Variants in KIAA0586 observed in about 807,000 individuals in gnomAD.
KIAA0586 encodes KIAA0586.
In KIAA0586, 144 loss-of-function variants were observed where a neutral mutation model predicts 169.8. The observed-to-expected ratio is 0.85, with a 90% CI of 0.74 to 0.97. The LOEUF (loss-of-function observed/expected upper bound fraction) is 0.97, where lower values mean the gene tolerates loss of function less well. Among genes scored for constraint, KIAA0586 ranks in the 50% least tolerant of loss-of-function variants. The pLI is 0.00. For missense variants in KIAA0586, 1,854 were observed against 1,823.0 expected, an observed-to-expected ratio of 1.02 and a Z score of -0.31; for synonymous variants, 625 against 612.4, an observed-to-expected ratio of 1.02 and a Z score of -0.30.
intron 27 of KIAA0586, among the ~76,000 whole-genome samples, chr14:58,503,725 T>G (rs964272102): frequency 6.6e-6 from 1 of 150,934 alleles, no homozygotes; most frequent in African/African-American, 2.4e-5. Flanking sequence ...TTGAAGTGAC[T>G]CCTCAAAGAT....
At chr14:58,467,630 G>A in intron 15 of KIAA0586, 105 bp from the exon 16 acceptor site, 1 of 802,414 alleles carries the variant, frequency 1.2e-6, no homozygotes, top group South Asian at 2.0e-5. Flanking sequence ...GTCAGATAGG[G>A]CTTTTTTAAA....
intron 12 of KIAA0586, among the ~76,000 whole-genome samples, chr14:58,459,321 A>C (rs1748979): frequency 0.98 from 149,410 of 151,822 alleles, 73,560 homozygotes; most frequent in East Asian, 1. Flanking sequence ...TACACACACA[A>C]AAAAAAATTG....
rs781575572 is a variant in KIAA0586, at chr14:58,427,775, A to G, written c.-490A>G. 1.2e-4 allele frequency: 183 copies of G among 1,525,046 alleles called. No individual in the cohort carries two copies. The highest frequency in any genetic ancestry group is 1.5e-4 in the Non-Finnish European group (176 of 1,141,864). 94.5% of individuals were successfully genotyped at this position (1,525,046 alleles called of 1,614,324 possible). On this transcript the variant is annotated 5_prime_UTR_variant, in exon 1 of 31. Transcript: ENST00000652326. ...GGTCTCGGGCGTTCTGGAGATACGT[A>G]GGGGTGAATTTATGTTTCCGACGAT...
intron 26 of KIAA0586, among the ~76,000 whole-genome samples, chr14:58,494,519 A>C (rs1343288367): frequency 6.6e-6 from 1 of 151,878 alleles, no homozygotes; most frequent in Non-Finnish European, 1.5e-5. Context: ...CTGTCTGAGA[A>C]TTTGGGTAAG....
In KIAA0586 at chr14:58,498,780, A is replaced by T. The variant is rs762534910; in HGVS notation, c.3991-3A>T. On this transcript the variant is annotated splice_region_variant and splice_polypyrimidine_tract_variant and intron_variant, in intron 26 of 30. Transcript: ENST00000652326. ...TTTTAACAATTGTTTCTGCTTTTTA[A>T]AGGACTTGGAAAACAGTGTGGGTGA... The T allele has an allele frequency of 6.3e-7, 1 of 1,581,266 alleles. No individual in the cohort carries two copies. The highest frequency in any genetic ancestry group is 8.6e-7 in the Non-Finnish European group (1 of 1,168,242).
intron 28 of KIAA0586, among the ~76,000 whole-genome samples, chr14:58,511,270 G>A (rs2044363274): frequency 6.6e-6 from 1 of 152,160 alleles, no homozygotes; most frequent in Non-Finnish European, 1.5e-5. Context: ...TCTTTAGCTA[G>A]CAGGGACTTA....
intron 29 of KIAA0586, among the ~76,000 whole-genome samples, chr14:58,536,660 T>C (rs916159423): frequency 1.3e-5 from 2 of 152,190 alleles, no homozygotes; most frequent in African/African-American, 4.8e-5. Context: ...AAAGGCACAG[T>C]GTGTACAAGT....
At chr14:58,430,277 T>C (rs1369913219) in intron 2 of KIAA0586, among the ~76,000 whole-genome samples, 1 of 152,184 alleles carries the variant, frequency 6.6e-6, no homozygotes, top group East Asian at 1.9e-4. Context: ...CGTGATGTTG[T>C]GCCATCCTTA....
chr14:58,532,849 CTG>C (rs1342941142), intron 29 of KIAA0586, among the ~76,000 whole-genome samples: 1 of 152,186 alleles, frequency 6.6e-6, no homozygotes, highest in East Asian at 1.9e-4. Flanking sequence ...TATTTGCTCT[CTG>C]TTAAAATGGT....
rs745535237 is a variant in KIAA0586, at chr14:58,467,857, A to G, written c.2377A>G (p.Lys793Glu). The change falls in exon 16 of 31, where the codon AAA (lysine) becomes GAA (glutamate). Residue 793 changes from lysine (K) to glutamate (E), a missense_variant. Coordinates refer to ENST00000652326, the MANE Select transcript of KIAA0586 (RefSeq NM_001329943.3). ...SSRKVETGVK[K>E]PNIAIVEMKS... ...TCGAAAAGTAGAAACTGGAGTAAAGAAACCTAACATAGCCATTGTAGAAAT... is the reference window on the plus strand; with the variant it reads ...TCGAAAAGTAGAAACTGGAGTAAAGGAACCTAACATAGCCATTGTAGAAAT... 6.2e-7 allele frequency: 1 copy of G among 1,613,892 alleles called. No homozygotes were observed. Among genetic ancestry groups the G allele is most frequent in the South Asian group, 1.1e-5 (1 of 91,076 alleles).
In KIAA0586 at chr14:58,428,093, T is replaced by TATAA. The variant is rs2036993991; in HGVS notation, c.-171_-170insTAAA. On this transcript the variant is annotated 5_prime_UTR_variant, in exon 1 of 31. It introduces an in-frame stop codon into an upstream open reading frame of the 5' UTR. Coordinates refer to ENST00000652326, the MANE Select transcript of KIAA0586 (RefSeq NM_001329943.3). ...GGATTAATGGGTAAATATGACTTTA[T>TATAA]AGTCAGCTCTAATCCTGGATTCAAT... 6.9e-7 allele frequency: 1 copy of TATAA among 1,453,678 alleles called. No homozygotes were observed. The highest frequency in any genetic ancestry group is 1.4e-5 in the African/African-American group (1 of 69,812). 90.0% of individuals were successfully genotyped at this position (1,453,678 alleles called of 1,614,324 possible).
intron 27 of KIAA0586, among the ~76,000 whole-genome samples, chr14:58,503,657 C>T (rs932214082): frequency 1.3e-5 from 2 of 151,918 alleles, no homozygotes; most frequent in African/African-American, 4.8e-5. Flanking sequence ...GATGGAGGTA[C>T]AGGTCAATTG....
chr14:58,547,889 C>T lies in KIAA0586; in HGVS notation c.4604C>T (p.Thr1535Ile), dbSNP rs774438382. ...TGCTCTCAGTCTCTGAGTCTCAGCACAATGCAGGAGGACATGGAGTCTTCG... is the reference window on the plus strand; with the variant it reads ...TGCTCTCAGTCTCTGAGTCTCAGCATAATGCAGGAGGACATGGAGTCTTCG... Reference protein sequence around the residue: ...EDCSQSLSLSTMQEDMESSGA... With the variant: ...EDCSQSLSLSIMQEDMESSGA... Residue 1535 changes from threonine (T) to isoleucine (I), a missense_variant, in exon 31 of 31, where the codon ACA (threonine) becomes ATA (isoleucine). By Grantham distance (89) the Thr-to-Ile change is moderately conservative. Coordinates refer to ENST00000652326, the MANE Select transcript of KIAA0586 (RefSeq NM_001329943.3). 1 of 1,613,710 alleles carries T rather than the reference C, an allele frequency of 6.2e-7. No individual in the cohort carries two copies. The highest frequency in any genetic ancestry group is 8.5e-7 in the Non-Finnish European group (1 of 1,179,752).
chr14:58,540,678 A>G (rs367560696), intron 30 of KIAA0586, among the ~76,000 whole-genome samples: 1 of 152,232 alleles, frequency 6.6e-6, no homozygotes, highest in Admixed American at 6.5e-5. Context: ...TTGAAAAATA[A>G]AAAAAGTAAT....
At position 58,477,237 on chromosome 14, in the gene KIAA0586, C is replaced by T; in HGVS notation, c.2940C>T (p.Asp980=). ...VSETSEPLTS[D]IVEGTSSGAL... ...AGACAAGTGAACCACTGACTTCTGACATTGGTAAGTGAAATAGAATTTTTT... is the reference window on the plus strand; with the variant it reads ...AGACAAGTGAACCACTGACTTCTGATATTGGTAAGTGAAATAGAATTTTTT... The change falls in exon 20 of 31, where the codon GAC becomes GAT. Residue 980 remains aspartate (D), a synonymous_variant. Coordinates refer to ENST00000652326, the MANE Select transcript of KIAA0586 (RefSeq NM_001329943.3). The T allele has an allele frequency of 1.3e-6, 2 of 1,490,684 alleles. No individual in the cohort carries two copies. Among genetic ancestry groups the T allele is most frequent in the Non-Finnish European group, 1.8e-6 (2 of 1,087,830 alleles). 92.3% of individuals were successfully genotyped at this position (1,490,684 alleles called of 1,614,324 possible). A position where few individuals can be genotyped will look rare whatever the true frequency, so the allele number is the denominator to read the frequency against.
chr14:58,427,902 A>T lies in KIAA0586; in HGVS notation c.-363A>T. The T allele has an allele frequency of 7.3e-7, 1 of 1,361,378 alleles. No homozygotes were observed. The highest frequency in any genetic ancestry group is 2.9e-5 in the Admixed American group (1 of 33,946). 84.3% of individuals were successfully genotyped at this position (1,361,378 alleles called of 1,614,324 possible). A position where few individuals can be genotyped will look rare whatever the true frequency, so the allele number is the denominator to read the frequency against. ...ATAGCATTTCGCTTTTATTTGCTTG[A>T]CTGCCTCTTCTCAACAAATTTTAAG... On this transcript the variant is annotated 5_prime_UTR_variant, in exon 1 of 31. Transcript: ENST00000652326.
chr14:58,450,662 G>C lies in KIAA0586; in HGVS notation c.1045G>C (p.Val349Leu). Residue 349 changes from valine (V) to leucine (L), a missense_variant, in exon 8 of 31, where the codon GTA becomes CTA. By Grantham distance (32) the Val-to-Leu change is conservative. Coordinates refer to ENST00000652326, the MANE Select transcript of KIAA0586 (RefSeq NM_001329943.3). The stretch of plus-strand genomic sequence containing the variant: ...ACCAGCACCTCGCAGATTTGCTCCT[G>C]TACCTGTTTCAAGGGATGATGAACT... The part of the protein sequence containing the change: ...ETPAPRRFAP[V>L]PVSRDDELSK... 2.5e-6 allele frequency: 4 copies of C among 1,609,918 alleles called. No homozygotes were observed. Among genetic ancestry groups the C allele is most frequent in the African/African-American group, 1.3e-5 (1 of 74,926 alleles).
At chr14:58,478,296 A>G (rs772737145) in intron 20 of KIAA0586, among the ~76,000 whole-genome samples, 2 of 152,218 alleles carry the variant, frequency 1.3e-5, no homozygotes, top group Non-Finnish European at 2.9e-5. Flanking sequence ...CGTCCTGGCC[A>G]ACATAGTGAA....
At chr14:58,509,757 T>C (rs936996959) in intron 28 of KIAA0586, among the ~76,000 whole-genome samples, 1 of 152,178 alleles carries the variant, frequency 6.6e-6, no homozygotes, top group Non-Finnish European at 1.5e-5. Flanking sequence ...TAAAAAAAAT[T>C]TTTGTGACCA....
Sources: allele counts gnomAD v4.1 joint callset (sites outside exome capture counted in the v4.1 genomes callset), GRCh38; gene constraint gnomAD v4.1.1; transcripts MANE v1.5; gene names NCBI Gene and HGNC (gene_info 2026-07-23, HGNC 2026-07-21).